Variants in CLNK observed in about 807,000 individuals in gnomAD.
The protein encoded by CLNK is cytokine-dependent hematopoietic cell linker.
Under a neutral mutation model 68.6 loss-of-function variants are expected in CLNK, and 74 were observed. That is an observed-to-expected ratio of 1.08 (90% CI 0.89 to 1.31). The LOEUF is 1.31. Among genes scored for constraint, CLNK ranks in the 50% most tolerant of loss-of-function variants. The probability of loss-of-function intolerance (pLI) is 0.00; values close to 1 mark genes in which losing one functional copy is unlikely to be tolerated. For missense variants in CLNK, 553 were observed against 515.3 expected (o/e 1.07, Z -0.71); for synonymous variants, 198 against 172.2 (o/e 1.15, Z -1.17).
chr4:10,729,951 T>A, the CLNK span, among the ~76,000 whole-genome samples: 16 of 152,240 alleles, frequency 1.1e-4, no homozygotes, highest in African/African-American at 3.4e-4. Context: ...CTGCCATTTG[T>A]TTTTGAAAAA....
At chr4:10,587,973 A>C (rs1721031393) in intron 3 of CLNK, among the ~76,000 whole-genome samples, 1 of 152,176 alleles carries the variant, frequency 6.6e-6, no homozygotes, top group South Asian at 2.1e-4. Flanking sequence ...GTGAGGAGCA[A>C]ATCATTTATC....
chr4:10,526,135 T>C (rs1357849392), intron 13 of CLNK, among the ~76,000 whole-genome samples: 5 of 152,158 alleles, frequency 3.3e-5, no homozygotes, highest in Admixed American at 2.0e-4. Context: ...AAAATCACTT[T>C]TAATATTTAC....
chr4:10,707,101 C>G, the CLNK span, among the ~76,000 whole-genome samples: 1 of 152,150 alleles, frequency 6.6e-6, no homozygotes, highest in East Asian at 1.9e-4. Context: ...TTAACTCAAG[C>G]GTTTCTTGAT....
intron 1 of CLNK, among the ~76,000 whole-genome samples, chr4:10,673,938 G>T (rs1179935908): frequency 6.6e-6 from 1 of 152,122 alleles, no homozygotes; most frequent in Non-Finnish European, 1.5e-5. Context: ...CATGGTGTGT[G>T]TGCATTCACT....
the CLNK span, among the ~76,000 whole-genome samples, chr4:10,707,998 C>G: frequency 6.6e-6 from 1 of 152,112 alleles, no homozygotes; most frequent in East Asian, 1.9e-4. Flanking sequence ...TTGCACTGAG[C>G]GCTGAAAGCA....
chr4:10,715,592 TTTC>T, the CLNK span, among the ~76,000 whole-genome samples: 3 of 152,248 alleles, frequency 2.0e-5, no homozygotes, highest in African/African-American at 2.4e-5. Flanking sequence ...CCTTCTTTCT[TTTC>T]TTCTTCTTTA....
chr4:10,566,574 T>TA (rs1273443645), intron 5 of CLNK, among the ~76,000 whole-genome samples: 2 of 152,256 alleles, frequency 1.3e-5, no homozygotes, highest in Admixed American at 1.3e-4. Flanking sequence ...AACTAATAAA[T>TA]AATTCCTCAA....
the CLNK span, among the ~76,000 whole-genome samples, chr4:10,731,270 C>T: frequency 6.6e-6 from 1 of 152,198 alleles, no homozygotes; most frequent in African/African-American, 2.4e-5. Flanking sequence ...ATTTACTTCT[C>T]ATCAACAAAA....
chr4:10,654,294 A>G (rs1350280890), intron 2 of CLNK, among the ~76,000 whole-genome samples: 1 of 150,682 alleles, frequency 6.6e-6, no homozygotes, highest in African/African-American at 2.4e-5. Context: ...ATAAATCTTT[A>G]TATTAACAAA....
At chr4:10,730,775 T>C in the CLNK span, among the ~76,000 whole-genome samples, 1 of 152,246 alleles carries the variant, frequency 6.6e-6, no homozygotes, top group Non-Finnish European at 1.5e-5. Context: ...ACAACTCATA[T>C]GTACGTTTAA....
rs374660944 is a variant in CLNK, at chr4:10,557,031, A to G, written c.445+1376T>C. Among the ~76,000 whole-genome samples, 134 of 151,952 alleles carry G rather than the reference A, an allele frequency of 8.8e-4. 2 individuals carry two copies. In the East Asian group the frequency reaches 0.022, roughly 24 times the overall value. The stretch of plus-strand genomic sequence containing the variant: ...GCGGAGGTTGCAGTGAGCCAAGATC[A>G]CGCCACTGCACTCCAGCCTGGGCAA... On this transcript the variant is annotated intron_variant, in intron 8 of 18. Transcript: ENST00000226951.
chr4:10,548,470 G>A (rs958405087), intron 8 of CLNK, among the ~76,000 whole-genome samples: 1 of 152,308 alleles, frequency 6.6e-6, no homozygotes, highest in South Asian at 2.1e-4. Context: ...CTACTCCGTT[G>A]ATTCTTTCCT....
At chr4:10,655,632 A>G (rs914543672) in intron 2 of CLNK, among the ~76,000 whole-genome samples, 1 of 136,220 alleles carries the variant, frequency 7.3e-6, no homozygotes, top group Non-Finnish European at 1.5e-5. Flanking sequence ...GGAGGGATAG[A>G]TAGCATTTTT....
intron 2 of CLNK, among the ~76,000 whole-genome samples, chr4:10,643,394 A>G (rs1413804684): frequency 6.6e-6 from 1 of 152,258 alleles, no homozygotes; most frequent in Non-Finnish European, 1.5e-5. Context: ...ACCAAGAGAG[A>G]CACAGTCCTT....
intron 7 of CLNK, among the ~76,000 whole-genome samples, chr4:10,563,832 G>T (rs915421191): frequency 2.6e-5 from 4 of 152,254 alleles, no homozygotes; most frequent in South Asian, 2.1e-4. Context: ...ACTTGAACCC[G>T]GGAGGTGGAG....
intron 2 of CLNK, among the ~76,000 whole-genome samples, chr4:10,619,565 A>G (rs1722352369): frequency 6.6e-6 from 1 of 152,156 alleles, no homozygotes; most frequent in Non-Finnish European, 1.5e-5. Context: ...TGCAGGAAAC[A>G]TAGGTGTGTT....
At chr4:10,607,663 G>A (rs1721839842) in intron 2 of CLNK, among the ~76,000 whole-genome samples, 1 of 152,164 alleles carries the variant, frequency 6.6e-6, no homozygotes, top group Non-Finnish European at 1.5e-5. Context: ...TGAAGCAGCT[G>A]CAGCATTAGG....
chr4:10,576,980 G>A (rs1304088119), intron 4 of CLNK, among the ~76,000 whole-genome samples: 5 of 152,158 alleles, frequency 3.3e-5, no homozygotes, highest in Non-Finnish European at 5.9e-5. Context: ...CAGGGTAGCT[G>A]GTGGACCTTC....
At position 10,558,171 on chromosome 4, in the gene CLNK, A is replaced by G. The variant is rs963647666; in HGVS notation, c.445+236T>C. ...CAAAATAATTCATTTCCAAAATTGC[A>G]CAACAAAGAATACGAATTTTTACAA... On this transcript the variant is annotated intron_variant, in intron 8 of 18. Coordinates refer to ENST00000226951, the MANE Select transcript of CLNK (RefSeq NM_052964.4). 7.2e-5 allele frequency among the ~76,000 whole-genome samples: 11 copies of G among 152,336 alleles called. No homozygotes were observed. In the South Asian group the frequency reaches 1.4e-3, roughly 20 times the overall value.
Sources: gnomAD v4.1 joint callset for allele counts (sites outside exome capture counted in the v4.1 genomes callset) on GRCh38, gnomAD v4.1.1 for gene constraint, MANE v1.5 for transcripts, NCBI Gene and HGNC (gene_info 2026-07-23, HGNC 2026-07-21) for gene names.